The following EML1 variants were observed in gnomAD, a reference collection of about 807,000 sequenced individuals.
The protein encoded by EML1 is EMAP like 1.
EML1 carries 27 observed loss-of-function variants against 110.4 expected under a neutral mutation model. The ratio of observed to expected loss-of-function variants is 0.24; its 90% confidence interval spans 0.18 to 0.34. The LOEUF is 0.34. Among genes scored for constraint, EML1 ranks in the 10% least tolerant of loss-of-function variants. EML1 has a pLI of 1.00. For synonymous variants in EML1, 344 were observed against 385.8 expected, an observed-to-expected ratio of 0.89 and a Z score of 1.27; for missense variants, 741 against 1,030.9, an observed-to-expected ratio of 0.72 and a Z score of 3.85.
intron 1 of EML1, among the ~76,000 whole-genome samples, chr14:99,819,855 TTC>T (rs201118936): frequency 3.9e-4 from 60 of 152,304 alleles, no homozygotes; most frequent in African/African-American, 1.3e-3. Context: ...CACGATTACT[TTC>T]TGTTTCTCTG....
chr14:99,929,353 T>A (rs1465841601), intron 17 of EML1, among the ~76,000 whole-genome samples: 2 of 152,202 alleles, frequency 1.3e-5, no homozygotes, highest in Non-Finnish European at 2.9e-5. Flanking sequence ...CAGAGCATTG[T>A]GCAGATGTCA....
At chr14:99,839,054 A>G (rs2058591856) in intron 1 of EML1, 2 of 148,662 alleles carry the variant, frequency 1.3e-5, no homozygotes, top group South Asian at 4.4e-4. Context: ...ATGAGAGTCC[A>G]GGATAGGTCA....
At chr14:99,870,799 G>A (rs1209957646) in intron 3 of EML1, among the ~76,000 whole-genome samples, 1 of 152,178 alleles carries the variant, frequency 6.6e-6, no homozygotes, top group African/African-American at 2.4e-5. Context: ...GGAAGAAAAA[G>A]CTTCCTTTCC....
rs969053306 is a variant in EML1 at position 99,827,365 on chromosome 14, G to A, written c.68-23488G>A. On this transcript the variant is annotated intron_variant, in intron 1 of 21. Transcript: ENST00000262233. This position sits in a 1 kb window ranked among gnomAD's most constrained non-coding sequence, Gnocchi z 4.4. ...TACCCTGGCAGCATAGCTGGTATGA[G>A]TACTCGAAGTACCCCGGCAGAGTAG... Among the ~76,000 whole-genome samples the A allele has an allele frequency of 1.2e-4, 18 of 152,010 alleles. No individual in the cohort carries two copies. Among genetic ancestry groups the A allele is most frequent in the African/African-American group, 4.1e-4 (17 of 41,380 alleles).
chr14:99,840,332 T>G (rs898110423), intron 1 of EML1, among the ~76,000 whole-genome samples: 12 of 152,356 alleles, frequency 7.9e-5, no homozygotes, highest in Admixed American at 5.9e-4. Flanking sequence ...AATTAATACC[T>G]GTCATTTGGA....
At chr14:99,780,217 A>G (rs938710078) in intron 1 of EML1, among the ~76,000 whole-genome samples, 1 of 152,062 alleles carries the variant, frequency 6.6e-6, no homozygotes, top group African/African-American at 2.4e-5. Context: ...CCCATCTCTA[A>G]ATACAGTCAC....
chr14:99,745,323 C>T (rs755479398), intron 1 of EML1, among the ~76,000 whole-genome samples: 5 of 152,208 alleles, frequency 3.3e-5, no homozygotes, highest in Non-Finnish European at 7.3e-5. Flanking sequence ...GCTTCGGCCT[C>T]CCAAAGTGCT....
At chr14:99,911,078 C>T (rs1221896207) in intron 12 of EML1, among the ~76,000 whole-genome samples, 3 of 152,160 alleles carry the variant, frequency 2.0e-5, no homozygotes, top group Non-Finnish European at 4.4e-5. Flanking sequence ...GCAGCAGCCC[C>T]ATTCCACCAA....
At chr14:99,794,216 A>G (rs2057726881) in intron 1 of EML1, among the ~76,000 whole-genome samples, 1 of 152,222 alleles carries the variant, frequency 6.6e-6, no homozygotes, top group South Asian at 2.1e-4. Flanking sequence ...TTTTAAAAAT[A>G]TGAAATCCTA....
chr14:99,911,614 C>A, intron 13 of EML1, 38 bp downstream of exon 13: 1 of 1,590,560 alleles, frequency 6.3e-7, no homozygotes, highest in East Asian at 2.3e-5. Flanking sequence ...TTGTTTTTAA[C>A]CTTAAACTGT....
chr14:99,753,016 T>A (rs2057194305), intron 1 of EML1, among the ~76,000 whole-genome samples: 2 of 152,010 alleles, frequency 1.3e-5, no homozygotes, highest in South Asian at 4.1e-4. Context: ...CTGGCATCTA[T>A]GGGCAAGTGG....
intron 1 of EML1, among the ~76,000 whole-genome samples, chr14:99,801,902 C>T (rs1049826931): frequency 4.6e-5 from 7 of 152,192 alleles, no homozygotes; most frequent in African/African-American, 1.2e-4. Context: ...CAGCGAAATG[C>T]GAGGATGACA....
intron 1 of EML1, among the ~76,000 whole-genome samples, chr14:99,832,875 A>G (rs1450189416): frequency 1.3e-5 from 2 of 152,100 alleles, no homozygotes; most frequent in African/African-American, 4.8e-5. Context: ...CTAATTTACC[A>G]TTTTTTTCTT....
upstream of EML1, among the ~76,000 whole-genome samples, chr14:99,768,529 T>C (rs2057390278): frequency 6.6e-6 from 1 of 152,024 alleles, no homozygotes; most frequent in Non-Finnish European, 1.5e-5. Context: ...GGCTGGAATA[T>C]AGCAAAGGGA....
chr14:99,927,179 T>G (rs1451833553), intron 17 of EML1, among the ~76,000 whole-genome samples: 3 of 152,230 alleles, frequency 2.0e-5, no homozygotes, highest in Non-Finnish European at 4.4e-5. Flanking sequence ...AACAATTTGT[T>G]TAAACCAGGA....
intron 8 of EML1, among the ~76,000 whole-genome samples, chr14:99,899,970 G>A (rs541463599): frequency 3.9e-5 from 6 of 152,102 alleles, no homozygotes; most frequent in African/African-American, 9.6e-5. Flanking sequence ...TTCACCTAAC[G>A]CCTGCCTAGT....
Position 99,920,469 on chromosome 14 carries a change from G to A in EML1, c.1821-320G>A, listed in dbSNP as rs369274251. On this transcript the variant is annotated intron_variant, in intron 16 of 21. Transcript: ENST00000262233. ...ACTGCTTCCTCTCACCATATGCCCTGGCACTAGGTATTGGCATCTTCCCTG... is the reference window on the plus strand; with the variant it reads ...ACTGCTTCCTCTCACCATATGCCCTAGCACTAGGTATTGGCATCTTCCCTG... Among the ~76,000 whole-genome samples, 27 of 152,292 alleles carry A rather than the reference G, an allele frequency of 1.8e-4. No individual in the cohort carries two copies. The East Asian group carries it at 5.0e-3, about 28-fold the overall frequency.
intron 3 of EML1, chr14:99,874,878 T>A: frequency 6.6e-7 from 1 of 1,526,270 alleles, no homozygotes; most frequent in South Asian, 1.2e-5. Context: ...TCCACGCTTT[T>A]ATTAATTGCA....
In EML1 at chr14:99,822,283, G is replaced by A. The variant is rs76602929; in HGVS notation, c.68-28570G>A. ...TACCAAATGCAGGCACTATATATGA[G>A]AATACATGTGCATGTGGCTGTGTGT... is the stretch of plus-strand genomic sequence containing the variant. On this transcript the variant is annotated intron_variant, in intron 1 of 21. Transcript: ENST00000262233. Among the ~76,000 whole-genome samples, 26 of 152,286 alleles carry A rather than the reference G, an allele frequency of 1.7e-4. No individual in the cohort carries two copies. The East Asian group carries it at 4.8e-3, about 28-fold the overall frequency.
Sources: allele counts gnomAD v4.1 joint callset (sites outside exome capture counted in the v4.1 genomes callset), GRCh38; gene constraint gnomAD v4.1.1; non-coding constraint Gnocchi (gnomAD v3.1); transcripts MANE v1.5; gene names NCBI Gene and HGNC (gene_info 2026-07-23, HGNC 2026-07-21).